ATP2C2: variants seen among roughly 807,000 people sequenced by gnomAD.
The protein encoded by ATP2C2 is calcium-transporting ATPase type 2C member 2.
Under a neutral mutation model 110.8 loss-of-function variants are expected in ATP2C2, and 171 were observed. The ratio of observed to expected loss-of-function variants is 1.54; its 90% CI spans 1.36 to 1.75. The LOEUF (loss-of-function observed/expected upper bound fraction) is 1.75, where lower values mean the gene tolerates loss of function less well. Among genes scored for constraint, ATP2C2 ranks in the 40% most tolerant of loss-of-function variants. The probability of loss-of-function intolerance (pLI) is 0.00; values close to 1 mark genes in which losing one functional copy is unlikely to be tolerated. For synonymous variants in ATP2C2, 804 were observed against 508.4 expected, an observed-to-expected ratio of 1.58 and a Z score of -7.82; for missense variants, 1,963 against 1,235.0, an observed-to-expected ratio of 1.59 and a Z score of -8.84.
intron 19 of ATP2C2, 33 bp from the exon 20 acceptor site, chr16:84,453,288 C>G (rs765874732): frequency 6.2e-7 from 1 of 1,614,148 alleles, no homozygotes; most frequent in South Asian, 1.1e-5. Context: ...GCTTTGAAAT[C>G]TGATTCTTCG....
chr16:84,401,999 G>C (rs969523340), intron 2 of ATP2C2, among the ~76,000 whole-genome samples: 2 of 151,422 alleles, frequency 1.3e-5, no homozygotes, highest in African/African-American at 4.9e-5. Flanking sequence ...GTCTTCTTCA[G>C]TTTCTTGCAT....
intron 11 of ATP2C2, among the ~76,000 whole-genome samples, chr16:84,427,294 A>G (rs1440308760): frequency 6.6e-6 from 1 of 152,180 alleles, no homozygotes; most frequent in African/African-American, 2.4e-5. Context: ...ACAGTGGAAT[A>G]TTTTTCAGCC....
At position 84,422,669 on chromosome 16, in the gene ATP2C2, A is replaced by G; in HGVS notation, c.815A>G (p.Glu272Gly). The G allele has an allele frequency of 5.0e-6, 8 of 1,613,392 alleles. No homozygotes were observed. The highest frequency in any genetic ancestry group is 6.8e-6 in the Non-Finnish European group (8 of 1,179,774). The stretch of plus-strand genomic sequence containing the variant: ...ACAGGGGAAAGCTCTCAGTTCGGAG[A>G]AGTGTTTAAGATGATGCAGGCTGAA... Reference protein sequence around the residue: ...IGTGESSQFGEVFKMMQAEET... With the variant: ...IGTGESSQFGGVFKMMQAEET... Residue 272 changes from glutamate (E) to glycine (G), a missense_variant, in exon 9 of 27, where the codon GAA (glutamate) becomes GGA (glycine). By Grantham distance (98) the Glu-to-Gly change is moderately conservative. Coordinates refer to ENST00000262429, the MANE Select transcript of ATP2C2 (RefSeq NM_014861.4).
chr16:84,412,982 C>A (rs765029682), intron 6 of ATP2C2, among the ~76,000 whole-genome samples: 58 of 151,716 alleles, frequency 3.8e-4, no homozygotes, highest in Non-Finnish European at 4.7e-4. Flanking sequence ...GTCTGTAATC[C>A]CAGCTACTTG....
At chr16:84,452,745 C>A (rs537396900) in intron 18 of ATP2C2, among the ~76,000 whole-genome samples, 2 of 152,022 alleles carry the variant, frequency 1.3e-5, no homozygotes, top group African/African-American at 4.8e-5. Flanking sequence ...GGAATCTGCC[C>A]ACCTCGGCCT....
chr16:84,405,167 C>T lies in ATP2C2; in HGVS notation c.250C>T (p.Gln84Ter). 2 of 1,613,910 alleles carry T rather than the reference C, an allele frequency of 1.2e-6. No homozygotes were observed. The highest frequency in any genetic ancestry group is 1.1e-5 in the South Asian group (1 of 91,052). ...TGGGCTGTCGGAGTTCTCGGTGACG[C>T]AGCGCCGGCTGGCCCATGGCTGGAA... ...HTGLSEFSVT[Q>*]RRLAHGWNEF... The change falls in exon 3 of 27, where the codon CAG becomes TAG. Residue 84 changes from glutamine to a stop codon, truncating the protein, a stop_gained. Transcript: ENST00000262429. LOFTEE classifies it high-confidence loss of function.
chr16:84,453,134 G>T lies in ATP2C2; in HGVS notation c.1832-4G>T. 6.2e-7 allele frequency: 1 copy of T among 1,606,354 alleles called. No individual in the cohort carries two copies. Among genetic ancestry groups the T allele is most frequent in the South Asian group, 1.1e-5 (1 of 90,344 alleles). ...GCAGGCCCTCAGAACAGGTTCTTCT[G>T]AAGGAAGAAACATCGGCCTGTGCAA... On this transcript the variant is annotated splice_region_variant and splice_polypyrimidine_tract_variant and intron_variant, in intron 18 of 26. Coordinates refer to ENST00000262429, the MANE Select transcript of ATP2C2 (RefSeq NM_014861.4).
intron 3 of ATP2C2, 68 bp from the exon 4 acceptor site, chr16:84,408,337 C>A: frequency 6.8e-7 from 1 of 1,466,732 alleles, no homozygotes; most frequent in Non-Finnish European, 9.5e-7. Flanking sequence ...CAAACTTCTG[C>A]ACAGTAAGAA....
At chr16:84,385,818 C>T in intron 1 of ATP2C2, among the ~76,000 whole-genome samples, 1 of 152,178 alleles carries the variant, frequency 6.6e-6, no homozygotes, top group African/African-American at 2.4e-5. Flanking sequence ...ACCACTCCCG[C>T]CATCTAATCA....
rs185373537 is a variant in ATP2C2, at chr16:84,462,042, G to A, written c.2635G>A (p.Val879Ile). The A allele has an allele frequency of 6.8e-4, 1,100 of 1,613,940 alleles. 3 individuals are homozygous for A. Among genetic ancestry groups the A allele is most frequent in the Non-Finnish European group, 8.5e-4 (1,007 of 1,179,998 alleles). Reference protein sequence around the residue: ...FLRNHMFLYSVLGSILGQLAV... With the variant: ...FLRNHMFLYSILGSILGQLAV... The stretch of plus-strand genomic sequence containing the variant: ...CAGGAACCACATGTTCCTCTACTCC[G>A]TCCTGGGGTCCATCCTGGGGCAGCT... Residue 879 changes from valine (V) to isoleucine (I), a missense_variant, in exon 26 of 27, where the codon GTC becomes ATC. By Grantham distance (29) the Val-to-Ile change is conservative. Transcript: ENST00000262429.
intron 6 of ATP2C2, among the ~76,000 whole-genome samples, chr16:84,412,512 GTGTGTC>G (rs1906454993): frequency 8.1e-6 from 1 of 123,890 alleles, no homozygotes; most frequent in Non-Finnish European, 1.8e-5. Flanking sequence ...ATGTGTCTGT[GTGTGTC>G]TGTGTGTGCA....
intron 21 of ATP2C2, among the ~76,000 whole-genome samples, chr16:84,458,802 C>T (rs532527205): frequency 2.9e-4 from 44 of 152,290 alleles, no homozygotes; most frequent in African/African-American, 7.7e-4. Flanking sequence ...CGGCGCACTT[C>T]GGGAGTCTGG....
intron 4 of ATP2C2, among the ~76,000 whole-genome samples, chr16:84,409,745 C>T (rs558380138): frequency 2.6e-5 from 4 of 152,224 alleles, no homozygotes; most frequent in South Asian, 2.1e-4. Flanking sequence ...TCAGGTGATC[C>T]GCCTCCCTTG....
chr16:84,451,884 C>T (rs756970293), intron 17 of ATP2C2, 37 bp from the exon 18 acceptor site: 125 of 1,579,762 alleles, frequency 7.9e-5, no homozygotes, highest in Non-Finnish European at 9.2e-5. Context: ...GCCCCTAAGC[C>T]CCCGGTGACC....
Position 84,456,031 on chromosome 16 carries a change from A to T in ATP2C2, c.2147+1047A>T, listed in dbSNP as rs374875772. Reference sequence around the variant, plus strand: ...GATGTGCTGCTGGATTCGGTTTGCCAGTATTTTATTGAGGATTTTTGCATC... The same window carrying T: ...GATGTGCTGCTGGATTCGGTTTGCCTGTATTTTATTGAGGATTTTTGCATC... On this transcript the variant is annotated intron_variant, in intron 21 of 26. Transcript: ENST00000262429. Among the ~76,000 whole-genome samples, 21 of 106,550 alleles carry T rather than the reference A, an allele frequency of 2.0e-4. No homozygotes were observed. In the East Asian group the frequency reaches 4.3e-3, roughly 22 times the overall value. The allele number at this position is 106,550 out of a possible 152,430, so 69.9% of individuals were successfully genotyped here.
chr16:84,412,351 C>T (rs1042521496), intron 6 of ATP2C2, among the ~76,000 whole-genome samples: 8 of 63,378 alleles, frequency 1.3e-4, no homozygotes, highest in Admixed American at 4.3e-4. Flanking sequence ...CGTGTGTCTG[C>T]GTGCGTGTGT....
chr16:84,393,223 T>G (rs1182812859), intron 1 of ATP2C2, among the ~76,000 whole-genome samples: 2 of 152,144 alleles, frequency 1.3e-5, no homozygotes, highest in Non-Finnish European at 2.9e-5. Context: ...CCATTTAGAT[T>G]ATGGAGCTGT....
intron 1 of ATP2C2, among the ~76,000 whole-genome samples, chr16:84,386,109 C>G (rs971028030): frequency 6.6e-6 from 1 of 152,072 alleles, no homozygotes; most frequent in East Asian, 1.9e-4. Context: ...TCATTTTGTA[C>G]TTTCTGTACC....
At chr16:84,440,808 G>C (rs1236826951) in intron 13 of ATP2C2, 49 bp from the exon 14 acceptor site, 2 of 1,433,138 alleles carry the variant, frequency 1.4e-6, no homozygotes, top group East Asian at 2.3e-5. Flanking sequence ...AACTGGGGGA[G>C]CATGTTTTTG....
Sources: gnomAD v4.1 joint callset for allele counts (sites outside exome capture counted in the v4.1 genomes callset) on GRCh38, gnomAD v4.1.1 for gene constraint, MANE v1.5 for transcripts, NCBI Gene and HGNC (gene_info 2026-07-23, HGNC 2026-07-21) for gene names.